ATM: variants seen among roughly 807,000 people sequenced by gnomAD.
ATM encodes the protein serine-protein kinase ATM.
Under a neutral mutation model 387.0 loss-of-function variants are expected in ATM, and 308 were observed. The ratio of observed to expected loss-of-function variants is 0.80; its 90% CI spans 0.73 to 0.87. The LOEUF is 0.87. ATM is among the 40% of genes least tolerant of loss of function. The pLI, the probability that ATM is intolerant of heterozygous loss-of-function variation, is 0.00. For synonymous variants in ATM, 1,156 were observed against 1,187.3 expected, an observed-to-expected ratio of 0.97 and a Z score of 0.54; for missense variants, 3,312 against 3,560.9, an observed-to-expected ratio of 0.93 and a Z score of 1.78.
chr11:108,229,495 GT>G (rs201519743), intron 4 of ATM, 172 bp downstream of exon 4: 177 of 646,704 alleles, frequency 2.7e-4, no homozygotes, highest in Non-Finnish European at 3.1e-4. Flanking sequence ...TTATTAAAAG[GT>G]TTTTTTTTAG....
intron 34 of ATM, among the ~76,000 whole-genome samples, chr11:108,301,334 C>T (rs2083421588): frequency 6.6e-6 from 1 of 152,026 alleles, no homozygotes; most frequent in South Asian, 2.1e-4. Context: ...AAAAGGATTC[C>T]CAGAATTTTT....
chr11:108,348,158 A>C (rs542848535), intron 59 of ATM, among the ~76,000 whole-genome samples: 2 of 152,242 alleles, frequency 1.3e-5, no homozygotes, highest in Admixed American at 1.3e-4. Context: ...TTGAAGTATT[A>C]ATGGAATTTC....
intron 45 of ATM, among the ~76,000 whole-genome samples, chr11:108,322,449 C>T (rs779286136): frequency 3.2e-4 from 48 of 152,178 alleles, no homozygotes; most frequent in Admixed American, 2.0e-3. Context: ...CCACCATGCC[C>T]GGCCCCCAAT....
chr11:108,322,401 G>A (rs971309651), intron 45 of ATM, among the ~76,000 whole-genome samples: 44 of 152,126 alleles, frequency 2.9e-4, no homozygotes, highest in African/African-American at 1.0e-3. Context: ...TGATCCACCC[G>A]CTTCAGCCTC....
intron 13 of ATM, among the ~76,000 whole-genome samples, chr11:108,255,839 GTC>G (rs2080441287): frequency 6.6e-6 from 1 of 152,170 alleles, no homozygotes; most frequent in Admixed American, 6.5e-5. Flanking sequence ...TCATTTTAAT[GTC>G]TCTTTATATG....
chr11:108,281,502 C>A (rs561238699), intron 24 of ATM, among the ~76,000 whole-genome samples: 1 of 152,114 alleles, frequency 6.6e-6, no homozygotes, highest in African/African-American at 2.4e-5. Flanking sequence ...GTGTTTTGCC[C>A]GGTAGATTCT....
chr11:108,364,293 T>C (rs1262977588), intron 61 of ATM, among the ~76,000 whole-genome samples: 1 of 152,202 alleles, frequency 6.6e-6, no homozygotes, highest in African/African-American at 2.4e-5. Context: ...ATTACTAAGA[T>C]TTGTAAGCAT....
intron 59 of ATM, among the ~76,000 whole-genome samples, chr11:108,352,550 T>C (rs1158549461): frequency 1.3e-5 from 2 of 152,076 alleles, no homozygotes; most frequent in Non-Finnish European, 2.9e-5. Flanking sequence ...AAAAGAACAA[T>C]CTTTAAGAAC....
chr11:108,294,912 C>A lies in ATM; in HGVS notation c.4777-15C>A. ...ACCAATACGTGTTAAAAGCAAGTTA[C>A]ATTTTCTCTTTTAGGAAATTAACCA... On this transcript the variant is annotated splice_polypyrimidine_tract_variant and intron_variant, in intron 31 of 62. Transcript: ENST00000675843. 6.2e-7 allele frequency: 1 copy of A among 1,613,162 alleles called. No individual in the cohort carries two copies. The highest frequency in any genetic ancestry group is 8.5e-7 in the Non-Finnish European group (1 of 1,179,426).
intron 1 of ATM, chr11:108,226,126 A>G (rs2078724729): frequency 6.6e-6 from 1 of 152,038 alleles, no homozygotes; most frequent in African/African-American, 2.4e-5. Flanking sequence ...GTAAAACAGA[A>G]TGCTGTTTCT....
At chr11:108,295,221 G>C in intron 32 of ATM, 162 bp downstream of exon 32, 2 of 864,162 alleles carry the variant, frequency 2.3e-6, no homozygotes, top group Non-Finnish European at 3.7e-6. Flanking sequence ...GTCCTAACTG[G>C]TCTTCTCACC....
rs2083587949 is a variant in ATM, at chr11:108,304,655, G to A, written c.5497-20G>A. On this transcript the variant is annotated intron_variant, in intron 36 of 62. Transcript: ENST00000675843. ...TCATTTTTACTCAAACTATTGGGTG[G>A]ATTTGTTTGTATATTCTAGGTGAAA... 1 of 1,610,380 alleles carries A rather than the reference G, an allele frequency of 6.2e-7. No individual in the cohort carries two copies. The highest frequency in any genetic ancestry group is 8.5e-7 in the Non-Finnish European group (1 of 1,176,966).
At position 108,325,521 on chromosome 11, in the gene ATM, G is replaced by C. The variant is rs587781674; in HGVS notation, c.6784G>C (p.Ala2262Pro). 1 of 1,610,182 alleles carries C rather than the reference G, an allele frequency of 6.2e-7. No individual in the cohort carries two copies. Among genetic ancestry groups the C allele is most frequent in the African/African-American group, 1.3e-5 (1 of 74,790 alleles). Residue 2262 changes from alanine to proline, a missense_variant, in exon 46 of 63, where the codon GCC becomes CCC. Around this residue, in one of 4 missense-constraint regions of ATM, gnomAD observed 1,405 missense variants for 1,604.4 expected, o/e 0.88. Coordinates refer to ENST00000675843, the MANE Select transcript of ATM (RefSeq NM_000051.4). Reference protein sequence around the residue: ...TKHLVELSILARTFKNTQLPE... With the variant: ...TKHLVELSILPRTFKNTQLPE... ...ACACCTTGTAGAACTCTCTATACTG[G>C]CCAGAACTTTCAAGAACACTCAGGT...
At chr11:108,278,759 C>T (rs1591630048) in intron 22 of ATM, among the ~76,000 whole-genome samples, 1 of 152,022 alleles carries the variant, frequency 6.6e-6, no homozygotes, top group African/African-American at 2.4e-5. Flanking sequence ...CATTCCTTAC[C>T]CTCAGGCCTT....
chr11:108,285,420 C>A (rs1000040365), intron 26 of ATM, among the ~76,000 whole-genome samples: 1 of 150,992 alleles, frequency 6.6e-6, no homozygotes, highest in Admixed American at 6.6e-5. Context: ...TAAAAAGCTT[C>A]GTTTGTTTTA....
chr11:108,246,701 G>A (rs116931463), intron 7 of ATM, among the ~76,000 whole-genome samples: 108 of 152,278 alleles, frequency 7.1e-4, no homozygotes, highest in South Asian at 2.7e-3. Flanking sequence ...GCCTCAGGTG[G>A]GAGAATAAAT....
chr11:108,236,192 C>T (rs1263261265), intron 5 of ATM: 1 of 282,880 alleles, frequency 3.5e-6, no homozygotes, highest in African/African-American at 2.2e-5. Flanking sequence ...ACAATGACAC[C>T]TAAACTCAAC....
intron 18 of ATM, 55 bp from the exon 19 acceptor site, chr11:108,271,009 T>G (rs907513092): frequency 1.4e-6 from 2 of 1,480,702 alleles, no homozygotes; most frequent in Non-Finnish European, 1.9e-6. Flanking sequence ...TTATATACTT[T>G]TTAAAGTAAA....
intron 56 of ATM, among the ~76,000 whole-genome samples, chr11:108,342,164 C>A (rs1240826929): frequency 6.6e-6 from 1 of 152,034 alleles, no homozygotes; most frequent in Non-Finnish European, 1.5e-5. Context: ...CAAGGCAATT[C>A]TTCCAGTGTG....
Sources: gnomAD v4.1 joint callset for allele counts (sites outside exome capture counted in the v4.1 genomes callset) on GRCh38, gnomAD v4.1.1 for gene constraint, gnomAD v4.1.1 regional missense constraint, MANE v1.5 for transcripts, NCBI Gene and HGNC (gene_info 2026-07-23, HGNC 2026-07-21) for gene names.